The following RNLS variants were observed in gnomAD, a reference collection of about 807,000 sequenced individuals.
RNLS encodes renalase.
In RNLS, 39 loss-of-function variants were observed where a neutral mutation model predicts 39.8. The observed-to-expected ratio is 0.98, with a 90% CI of 0.76 to 1.28. The LOEUF is 1.28. RNLS is among the 50% of genes most tolerant of loss of function. RNLS has a pLI of 0.00. For missense variants in RNLS, 410 were observed against 413.3 expected (o/e 0.99, Z 0.07); for synonymous variants, 147 against 150.7 (o/e 0.98, Z 0.18).
chr10:88,203,027 G>A, the RNLS span, among the ~76,000 whole-genome samples: 1 of 151,610 alleles, frequency 6.6e-6, no homozygotes, highest in East Asian at 1.9e-4. Flanking sequence ...CCTAGCTGAG[G>A]TCCAGGAAAA....
intron 4 of RNLS, among the ~76,000 whole-genome samples, chr10:88,420,856 A>C (rs138230215): frequency 2.7e-4 from 41 of 152,332 alleles, no homozygotes; most frequent in African/African-American, 9.4e-4. Context: ...ATGTTTTAGA[A>C]AGTTACTTGT....
chr10:88,485,825 G>A (rs868543958), intron 4 of RNLS, among the ~76,000 whole-genome samples: 3 of 151,724 alleles, frequency 2.0e-5, no homozygotes, highest in Middle Eastern at 3.2e-3. Context: ...AAATCAGTAC[G>A]CACCGACTGA....
downstream of RNLS, among the ~76,000 whole-genome samples, chr10:88,270,990 G>A (rs150802495): frequency 6.6e-6 from 1 of 152,270 alleles, no homozygotes; most frequent in African/African-American, 2.4e-5. Flanking sequence ...CTCTTGGCGG[G>A]CTGGTGGCCT....
chr10:88,582,277 T>C lies in RNLS; in HGVS notation c.149A>G (p.His50Arg). Reference protein sequence around the residue: ...GGRMTTACSPHNPQCTADLGA... With the variant: ...GGRMTTACSPRNPQCTADLGA... ...CAAGTCAGCTGTGCACTGAGGATTA[T>C]GAGGACTGCAGGCTGTAGTCATTCT... is the stretch of plus-strand genomic sequence containing the variant. The change falls in exon 2 of 7, where the codon CAT (histidine) becomes CGT (arginine). Residue 50 changes from histidine to arginine, a missense_variant. Coordinates refer to ENST00000331772, the MANE Select transcript of RNLS (RefSeq NM_001031709.3). 1 of 1,614,082 alleles carries C rather than the reference T, an allele frequency of 6.2e-7. No homozygotes were observed. Among genetic ancestry groups the C allele is most frequent in the Non-Finnish European group, 8.5e-7 (1 of 1,179,972 alleles).
chr10:88,282,305 G>A (rs1843041204), downstream of RNLS, among the ~76,000 whole-genome samples: 1 of 152,148 alleles, frequency 6.6e-6, no homozygotes, highest in African/African-American at 2.4e-5. Flanking sequence ...GCAGCAGCAT[G>A]GTGCCTGTAA....
At chr10:88,380,516 C>T (rs1183474665) in intron 4 of RNLS, among the ~76,000 whole-genome samples, 2 of 151,372 alleles carry the variant, frequency 1.3e-5, no homozygotes, top group Non-Finnish European at 3.0e-5. Context: ...GCTGGGACCA[C>T]AGGCGCCCGC....
At chr10:88,506,377 A>T (rs1264878387) in intron 4 of RNLS, among the ~76,000 whole-genome samples, 1 of 152,098 alleles carries the variant, frequency 6.6e-6, no homozygotes, top group Non-Finnish European at 1.5e-5. Flanking sequence ...CACAGTGTGC[A>T]TTTATCATTA....
chr10:88,275,817 G>A (rs767372150), intron 6 of RNLS, among the ~76,000 whole-genome samples: 2 of 152,136 alleles, frequency 1.3e-5, no homozygotes, highest in Admixed American at 6.6e-5. Context: ...CACTTTGGGA[G>A]GCTGAGGCAA....
In RNLS at chr10:88,514,719, T is replaced by G. The variant is rs1233151498; in HGVS notation, c.526+58184A>C. On this transcript the variant is annotated intron_variant, in intron 4 of 6. Coordinates refer to ENST00000331772, the MANE Select transcript of RNLS (RefSeq NM_001031709.3). Reference sequence around the variant, plus strand: ...CTTAGTATAATGTCCTTCAGGTTCATCCATGTTGCAGCACATGGTAAGATT... The same window carrying G: ...CTTAGTATAATGTCCTTCAGGTTCAGCCATGTTGCAGCACATGGTAAGATT... Among the ~76,000 whole-genome samples the G allele has an allele frequency of 5.3e-5, 8 of 152,242 alleles. No individual in the cohort carries two copies. The East Asian group carries it at 1.5e-3, about 29-fold the overall frequency.
At chr10:88,191,918 T>C in the RNLS span, among the ~76,000 whole-genome samples, 1 of 152,054 alleles carries the variant, frequency 6.6e-6, no homozygotes, top group South Asian at 2.1e-4. Context: ...TTTGTATACC[T>C]GTTGGCATTA....
chr10:88,466,140 A>G (rs1010532029), intron 4 of RNLS, among the ~76,000 whole-genome samples: 1 of 152,132 alleles, frequency 6.6e-6, no homozygotes, highest in African/African-American at 2.4e-5. Context: ...ATATTAGGTG[A>G]CATTGTGGGA....
intron 4 of RNLS, chr10:88,545,605 G>T: frequency 2.7e-6 from 1 of 370,864 alleles, no homozygotes. Context: ...ATGACACGTG[G>T]GGATTATGTG....
chr10:88,240,449 C>T, the RNLS span, among the ~76,000 whole-genome samples: 2,117 of 151,106 alleles, frequency 0.014, 30 homozygotes, highest in Non-Finnish European at 0.02. Flanking sequence ...GCACTAAATT[C>T]TCTTAAATAG....
chr10:88,415,202 T>C (rs1853942143), intron 4 of RNLS, among the ~76,000 whole-genome samples: 1 of 152,222 alleles, frequency 6.6e-6, no homozygotes, highest in African/African-American at 2.4e-5. Flanking sequence ...TTTTGTGGAA[T>C]GCTAAAATAT....
chr10:88,468,573 G>A (rs1338117088), intron 4 of RNLS, among the ~76,000 whole-genome samples: 3 of 147,992 alleles, frequency 2.0e-5, no homozygotes. Context: ...AACTGGATGT[G>A]TCCTTTACTG....
At chr10:88,453,218 A>C (rs1263867512) in intron 4 of RNLS, among the ~76,000 whole-genome samples, 1 of 152,134 alleles carries the variant, frequency 6.6e-6, no homozygotes, top group African/African-American at 2.4e-5. Context: ...TACCTCCAAA[A>C]CTATAGTACT....
intron 4 of RNLS, among the ~76,000 whole-genome samples, chr10:88,571,144 T>G (rs1849809065): frequency 6.6e-6 from 1 of 151,906 alleles, no homozygotes; most frequent in Admixed American, 6.6e-5. Flanking sequence ...CACTATGCTT[T>G]GCTACTTTAT....
chr10:88,314,692 A>G (rs745814553), intron 5 of RNLS, 51 bp from the exon 6 acceptor site: 4 of 1,516,910 alleles, frequency 2.6e-6, no homozygotes, highest in Non-Finnish European at 3.6e-6. Flanking sequence ...GTAGCAGGCA[A>G]GCATCTCTCA....
intron 6 of RNLS, among the ~76,000 whole-genome samples, chr10:88,311,747 C>T (rs889300006): frequency 5.9e-5 from 9 of 152,084 alleles, no homozygotes; most frequent in East Asian, 1.9e-4. Flanking sequence ...ATTCATTAAA[C>T]GCTTATTGAA....
Sources: gnomAD v4.1 joint callset for allele counts (sites outside exome capture counted in the v4.1 genomes callset) on GRCh38, gnomAD v4.1.1 for gene constraint, MANE v1.5 for transcripts, NCBI Gene and HGNC (gene_info 2026-07-23, HGNC 2026-07-21) for gene names.